The following GALNTL6 variants were observed in gnomAD, a reference collection of about 807,000 sequenced individuals.
The protein encoded by GALNTL6 is polypeptide N-acetylgalactosaminyltransferase-like 6.
Under a neutral mutation model 73.7 loss-of-function variants are expected in GALNTL6, and 46 were observed. That is an observed-to-expected ratio of 0.62 (90% CI 0.49 to 0.80). The LOEUF (loss-of-function observed/expected upper bound fraction) is 0.80, where lower values mean the gene tolerates loss of function less well. GALNTL6 is among the 30% of genes least tolerant of loss of function. The pLI is 0.00. For synonymous variants in GALNTL6, 259 were observed against 263.7 expected (o/e 0.98, Z 0.17); for missense variants, 604 against 755.0 (o/e 0.80, Z 2.34).
intron 5 of GALNTL6, among the ~76,000 whole-genome samples, chr4:172,745,156 G>A (rs1271562025): frequency 1.3e-5 from 2 of 151,534 alleles, no homozygotes; most frequent in Non-Finnish European, 2.9e-5. Flanking sequence ...TGGGATAAAA[G>A]AACAGCAAGA....
intron 2 of GALNTL6, among the ~76,000 whole-genome samples, chr4:171,956,315 T>C (rs1037222628): frequency 6.6e-6 from 1 of 152,170 alleles, no homozygotes; most frequent in African/African-American, 2.4e-5. Flanking sequence ...CATTTATTAG[T>C]ACTTCAAAAT....
At chr4:172,443,576 A>G (rs904411048) in intron 5 of GALNTL6, among the ~76,000 whole-genome samples, 2 of 152,148 alleles carry the variant, frequency 1.3e-5, no homozygotes, top group African/African-American at 2.4e-5. Flanking sequence ...ATAAAGTAGT[A>G]ATATTATAGC....
intron 5 of GALNTL6, among the ~76,000 whole-genome samples, chr4:172,523,013 C>T (rs545489730): frequency 5.9e-5 from 9 of 152,166 alleles, no homozygotes; most frequent in African/African-American, 9.6e-5. Flanking sequence ...TGATGTTTAT[C>T]GTAATAAATT....
intron 2 of GALNTL6, among the ~76,000 whole-genome samples, chr4:171,893,380 G>A (rs1386137164): frequency 6.6e-6 from 1 of 152,116 alleles, no homozygotes; most frequent in Non-Finnish European, 1.5e-5. Flanking sequence ...CTGAGGCATA[G>A]TGACTATAAA....
rs1733843538 is a variant in GALNTL6 at position 172,698,763 on chromosome 4, AAAGC to A, written c.554-110595_554-110592del. Among the ~76,000 whole-genome samples the A allele has an allele frequency of 2.6e-5, 4 of 152,176 alleles. No individual in the cohort carries two copies. The South Asian group carries it at 8.3e-4, about 32-fold the overall frequency. ...GGTATCCTCCTGCTCCTCCCCACTA[AAAGC>A]AAAGAGGTGAGATATATAGGACAAC... On this transcript the variant is annotated intron_variant, in intron 5 of 12. Transcript: ENST00000506823.
chr4:172,231,507 T>C (rs1243847185), intron 3 of GALNTL6, among the ~76,000 whole-genome samples: 1 of 152,116 alleles, frequency 6.6e-6, no homozygotes, highest in Non-Finnish European at 1.5e-5. Context: ...CTTATCATGG[T>C]CCATTATACT....
intron 2 of GALNTL6, among the ~76,000 whole-genome samples, chr4:172,181,717 CTT>C (rs751155404): frequency 3.0e-4 from 40 of 135,098 alleles, no homozygotes; most frequent in Admixed American, 4.5e-4. Context: ...CCCAAATCTT[CTT>C]TTTTTTTTTT....
At chr4:171,834,890 T>C (rs1735061407) in intron 2 of GALNTL6, among the ~76,000 whole-genome samples, 1 of 152,010 alleles carries the variant, frequency 6.6e-6, no homozygotes, top group Admixed American at 6.6e-5. Flanking sequence ...TCCCCTAGAC[T>C]GTGGAAATGG....
In GALNTL6 at chr4:172,295,148, G is replaced by A. The variant is rs1377395502; in HGVS notation, c.248-16466G>A. 9.2e-5 allele frequency among the ~76,000 whole-genome samples: 14 copies of A among 152,240 alleles called. No homozygotes were observed. In the South Asian group the frequency reaches 1.9e-3, roughly 20 times the overall value. On this transcript the variant is annotated intron_variant, in intron 3 of 12. Coordinates refer to ENST00000506823, the MANE Select transcript of GALNTL6 (RefSeq NM_001034845.3). ...TATATCTAAAAATGAAGAGCTGGGC[G>A]TGGTGGCTCACGTCTGTAATGCCAG... is the stretch of plus-strand genomic sequence containing the variant.
intron 2 of GALNTL6, among the ~76,000 whole-genome samples, chr4:171,994,075 A>G (rs956664369): frequency 2.6e-5 from 4 of 152,032 alleles, no homozygotes; most frequent in African/African-American, 9.7e-5. Flanking sequence ...TTATGGATTG[A>G]GTAGAAGATT....
chr4:172,017,524 G>T (rs1428055927), intron 2 of GALNTL6, among the ~76,000 whole-genome samples: 3 of 152,014 alleles, frequency 2.0e-5, no homozygotes, highest in African/African-American at 4.8e-5. Flanking sequence ...GGAGAACAAG[G>T]TCCCCTTCTC....
At chr4:172,759,439 T>C (rs548458461) in intron 5 of GALNTL6, among the ~76,000 whole-genome samples, 8 of 152,368 alleles carry the variant, frequency 5.3e-5, no homozygotes, top group African/African-American at 1.7e-4. Flanking sequence ...GTGAAGAGTT[T>C]TATTTCTTCA....
intron 2 of GALNTL6, among the ~76,000 whole-genome samples, chr4:171,915,717 G>T (rs1737597873): frequency 6.6e-6 from 1 of 152,068 alleles, no homozygotes; most frequent in Non-Finnish European, 1.5e-5. Flanking sequence ...TTTTTTGCTA[G>T]TTTAGTGTCA....
chr4:172,206,178 A>G (rs575253013), intron 2 of GALNTL6, among the ~76,000 whole-genome samples: 1 of 152,346 alleles, frequency 6.6e-6, no homozygotes, highest in East Asian at 1.9e-4. Flanking sequence ...GGGACTCAGT[A>G]GAAGTGCATT....
chr4:172,390,896 T>C (rs528318174), intron 5 of GALNTL6, among the ~76,000 whole-genome samples: 1 of 152,260 alleles, frequency 6.6e-6, no homozygotes, highest in Non-Finnish European at 1.5e-5. Flanking sequence ...ATCAGAAATC[T>C]TGGCATTCCT....
At chr4:172,006,621 C>T (rs1280712449) in intron 2 of GALNTL6, among the ~76,000 whole-genome samples, 1 of 150,700 alleles carries the variant, frequency 6.6e-6, no homozygotes, top group Non-Finnish European at 1.5e-5. Flanking sequence ...AGACCCTGTC[C>T]AAAAAAGGAA....
At chr4:172,425,661 T>G (rs1033480768) in intron 5 of GALNTL6, among the ~76,000 whole-genome samples, 2 of 152,060 alleles carry the variant, frequency 1.3e-5, no homozygotes, top group South Asian at 4.1e-4. Flanking sequence ...TTGTGGAATA[T>G]TATAGAGAAA....
chr4:172,084,672 A>AT (rs139249393), intron 2 of GALNTL6, among the ~76,000 whole-genome samples: 4,755 of 152,142 alleles, frequency 0.031, 169 homozygotes, highest in African/African-American at 0.079. Context: ...TAGAAATGTC[A>AT]TTTTTTTAAA....
At chr4:171,961,006 T>C (rs1295327184) in intron 2 of GALNTL6, among the ~76,000 whole-genome samples, 1 of 152,112 alleles carries the variant, frequency 6.6e-6, no homozygotes, top group Non-Finnish European at 1.5e-5. Context: ...CCCCAGATTC[T>C]TTCTTGTGAG....
Sources: allele counts gnomAD v4.1 joint callset (sites outside exome capture counted in the v4.1 genomes callset), GRCh38; gene constraint gnomAD v4.1.1; transcripts MANE v1.5; gene names NCBI Gene and HGNC (gene_info 2026-07-23, HGNC 2026-07-21).